The following ZNF717 variants were observed in gnomAD, a reference collection of about 807,000 sequenced individuals.
The protein encoded by ZNF717 is zinc finger protein 717, also known as krueppel-like factor X17.
In ZNF717, 9 loss-of-function variants were observed where a neutral mutation model predicts 13.8. The observed-to-expected ratio is 0.65, with a 90% CI of 0.39 to 1.14. The LOEUF (loss-of-function observed/expected upper bound fraction) is 1.14, where lower values mean the gene tolerates loss of function less well. Ranked by LOEUF, ZNF717 falls within the 50% of genes most tolerant of loss-of-function variation. The probability of loss-of-function intolerance (pLI) is 0.01; values close to 1 mark genes in which losing one functional copy is unlikely to be tolerated. For synonymous variants in ZNF717, 327 were observed against 364.1 expected (o/e 0.90, Z 1.16); for missense variants, 1,040 against 1,080.7 (o/e 0.96, Z 0.53).
intron 4 of ZNF717, 147 bp from the exon 5 acceptor site, chr3:75,739,492 T>C: frequency 2.1e-6 from 1 of 469,478 alleles, no homozygotes; most frequent in Non-Finnish European, 3.7e-6. Context: ...TGCATATGGT[T>C]TCTGTTCCTA....
At chr3:75,732,060 C>T, downstream of ZNF717, 2 of 702,912 alleles carry the variant, frequency 2.8e-6, no homozygotes, top group South Asian at 3.0e-5. Context: ...TAAAATTTAC[C>T]TCCTGGAGCT....
chr3:75,720,780 C>T (rs1283177894), intron 4 of ZNF717, among the ~76,000 whole-genome samples: 1 of 152,136 alleles, frequency 6.6e-6, no homozygotes, highest in Non-Finnish European at 1.5e-5. Flanking sequence ...GCCAGGAGTT[C>T]AAGGCCAGCC....
chr3:75,738,805 T>G lies in ZNF717; in HGVS notation c.818A>C (p.His273Pro), dbSNP rs755110382. 4,925 of 1,552,712 alleles carry G rather than the reference T, an allele frequency of 3.2e-3. 3 individuals carry two copies. The highest frequency in any genetic ancestry group is 4.4e-3 in the Admixed American group (225 of 51,116). The change falls in exon 5 of 5, where the codon CAT (histidine) becomes CCT (proline). Residue 273 changes from histidine (H) to proline (P), a missense_variant. Physicochemically the swap from His to Pro is moderately conservative, Grantham distance 77. Transcript: ENST00000652011. ...TCCRKSDFTK[H>P]QQTHTGEKPY... ...TTTCTCTCCTGTGTGTGTCTGCTGA[T>G]GTTTAGTGAAGTCAGACTTTCTACA... is the stretch of plus-strand genomic sequence containing the variant.
chr3:75,712,130 A>G (rs1937951454), intron 5 of ZNF717, among the ~76,000 whole-genome samples: 1 of 152,280 alleles, frequency 6.6e-6, no homozygotes, highest in South Asian at 2.1e-4. Context: ...AGGTTGAAGG[A>G]AAGTTATCAC....
At chr3:75,754,661 T>G (rs1291305619) in intron 2 of ZNF717, among the ~76,000 whole-genome samples, 2 of 151,596 alleles carry the variant, frequency 1.3e-5, no homozygotes, top group Non-Finnish European at 2.9e-5. Flanking sequence ...CTTCAAAAAC[T>G]AAAAAAGAAA....
intron 2 of ZNF717, among the ~76,000 whole-genome samples, chr3:75,766,936 A>G (rs967651595): frequency 6.6e-5 from 10 of 152,268 alleles, no homozygotes; most frequent in African/African-American, 2.2e-4. Context: ...TTTGGAACAA[A>G]CTTGTTATAA....
intron 2 of ZNF717, among the ~76,000 whole-genome samples, chr3:75,746,093 A>G (rs1941145619): frequency 1.3e-5 from 2 of 152,054 alleles, no homozygotes; most frequent in African/African-American, 4.8e-5. Context: ...TTCATTGTTC[A>G]ATTCCGACCT....
At chr3:75,749,618 T>A (rs796408038) in intron 2 of ZNF717, among the ~76,000 whole-genome samples, 5 of 142,746 alleles carry the variant, frequency 3.5e-5, no homozygotes, top group Admixed American at 6.9e-5. Context: ...TTCCAGAACA[T>A]TCCTGCTGTG....
At chr3:75,732,906 T>A (rs1394535558), downstream of ZNF717, among the ~76,000 whole-genome samples, 1 of 150,078 alleles carries the variant, frequency 6.7e-6, no homozygotes, top group Non-Finnish European at 1.5e-5. Flanking sequence ...GACACACCTA[T>A]GATATTGGAA....
chr3:75,747,137 T>C (rs2107309398), intron 2 of ZNF717, among the ~76,000 whole-genome samples: 1 of 152,240 alleles, frequency 6.6e-6, no homozygotes, highest in South Asian at 2.1e-4. Flanking sequence ...TCCCCATTTC[T>C]TTTGTCAGGT....
At position 75,736,525 on chromosome 3, in the gene ZNF717, T is replaced by C. The variant is rs1575751634; in HGVS notation, c.*353A>G. The C allele has an allele frequency of 8.3e-6, 2 of 242,150 alleles. No individual in the cohort carries two copies. Among genetic ancestry groups the C allele is most frequent in the Non-Finnish European group, 1.6e-5 (2 of 127,546 alleles). The allele number at this position is 242,150 out of a possible 1,614,324, so 15.0% of individuals were successfully genotyped here. ...AAGTCTGAGTGGTCCACATAGAAGA[T>C]CAAACCAGCCCCAACATTCCCTTGA... On this transcript the variant is annotated 3_prime_UTR_variant, in exon 5 of 5. Transcript: ENST00000652011.
At chr3:75,777,159 C>T (rs1944382482) in intron 2 of ZNF717, among the ~76,000 whole-genome samples, 1 of 146,972 alleles carries the variant, frequency 6.8e-6, no homozygotes, top group African/African-American at 2.6e-5. Context: ...AAATGTGCAA[C>T]TATAAGGACA....
intron 6 of ZNF717, among the ~76,000 whole-genome samples, chr3:75,697,673 C>T (rs369115038): frequency 6.6e-6 from 1 of 152,280 alleles, no homozygotes; most frequent in Non-Finnish European, 1.5e-5. Flanking sequence ...AATAAATTAT[C>T]CAGTCCCACT....
At chr3:75,771,799 G>T (rs955294891) in intron 2 of ZNF717, among the ~76,000 whole-genome samples, 1 of 152,232 alleles carries the variant, frequency 6.6e-6, no homozygotes, top group Non-Finnish European at 1.5e-5. Flanking sequence ...CTGCAGACCC[G>T]GGCATCTCTG....
intron 2 of ZNF717, among the ~76,000 whole-genome samples, chr3:75,764,990 G>GATATATATATATATATATATATATATAT (rs71101852): frequency 1.2e-4 from 12 of 102,348 alleles, no homozygotes; most frequent in Non-Finnish European, 1.8e-4. Context: ...TAAACAAAAG[G>GATATATATATATATATATATATATATAT]ATATATATAT....
chr3:75,747,911 T>G (rs1941328694), intron 2 of ZNF717, among the ~76,000 whole-genome samples: 1 of 152,110 alleles, frequency 6.6e-6, no homozygotes, highest in South Asian at 2.1e-4. Flanking sequence ...GGAGCTGGTT[T>G]TTTGAAAAGA....
At chr3:75,717,816 C>A (rs79958744) in intron 4 of ZNF717, among the ~76,000 whole-genome samples, 1 of 152,194 alleles carries the variant, frequency 6.6e-6, no homozygotes, top group Non-Finnish European at 1.5e-5. Context: ...TTGCTTCCAG[C>A]ATAACAGATG....
intron 2 of ZNF717, among the ~76,000 whole-genome samples, chr3:75,745,031 C>T (rs1412064909): frequency 6.6e-6 from 1 of 152,078 alleles, no homozygotes; most frequent in East Asian, 1.9e-4. Context: ...GTGTGTTTGT[C>T]CCTCACATAT....
chr3:75,767,902 GA>G (rs1334092990), intron 2 of ZNF717, among the ~76,000 whole-genome samples: 1 of 147,394 alleles, frequency 6.8e-6, no homozygotes, highest in Non-Finnish European at 1.5e-5. Context: ...AAAACAAAAG[GA>G]AAAAAAATGA....
Sources: gnomAD v4.1 joint callset for allele counts (sites outside exome capture counted in the v4.1 genomes callset) on GRCh38, gnomAD v4.1.1 for gene constraint, MANE v1.5 for transcripts, NCBI Gene and HGNC (gene_info 2026-07-23, HGNC 2026-07-21) for gene names.